Variants in WDR19 observed in about 807,000 individuals in gnomAD.
WDR19 encodes WD repeat-containing protein 19.
In WDR19, 121 loss-of-function variants were observed where a neutral mutation model predicts 180.0. That is an observed-to-expected ratio of 0.67 (90% CI 0.58 to 0.78). The LOEUF is 0.78. Among genes scored for constraint, WDR19 ranks in the 30% least tolerant of loss-of-function variants. The probability of loss-of-function intolerance (pLI) is 0.00; values close to 1 mark genes in which losing one functional copy is unlikely to be tolerated. For missense variants in WDR19, 1,450 were observed against 1,640.7 expected, an observed-to-expected ratio of 0.88 and a Z score of 2.01; for synonymous variants, 497 against 540.7, an observed-to-expected ratio of 0.92 and a Z score of 1.12.
intron 14 of WDR19, chr4:39,218,948 G>C (rs1264319030): frequency 6.6e-6 from 1 of 151,990 alleles, no homozygotes; most frequent in Non-Finnish European, 1.5e-5. Flanking sequence ...ATAGCATCAG[G>C]ATCATCAGTA....
chr4:39,236,400 G>A (rs896181052), intron 20 of WDR19, among the ~76,000 whole-genome samples: 1 of 152,074 alleles, frequency 6.6e-6, no homozygotes. Flanking sequence ...AACTCAGAAA[G>A]TCAAATACTG....
rs180673795 is a variant in WDR19, at chr4:39,278,231, G to A, written c.3917+24G>A. The A allele has an allele frequency of 2.1e-4, 334 of 1,573,366 alleles. 2 individuals are homozygous for A. In the African/African-American group the frequency reaches 3.7e-3, roughly 17 times the overall value. On this transcript the variant is annotated intron_variant, in intron 35 of 36. Transcript: ENST00000399820. ...ATGTAAGTGTGCATCACGTCACTCA[G>A]TCTCACTGATTTCTCCCGACACAGG...
In WDR19 at chr4:39,221,890, A is replaced by G. The variant is rs1051186579; in HGVS notation, c.1480-2994A>G. On this transcript the variant is annotated intron_variant, in intron 14 of 36. Coordinates refer to ENST00000399820, the MANE Select transcript of WDR19 (RefSeq NM_025132.4). Reference sequence around the variant, plus strand: ...TGAGTAGTAGTAGTCTATAGTATGTATATATCATAATTTGCTTATCCAAGA... The same window carrying G: ...TGAGTAGTAGTAGTCTATAGTATGTGTATATCATAATTTGCTTATCCAAGA... Among the ~76,000 whole-genome samples the G allele has an allele frequency of 2.1e-4, 32 of 152,170 alleles. 1 individual carries two copies. Among genetic ancestry groups the G allele is most frequent in the Non-Finnish European group, 2.5e-4 (17 of 68,034 alleles).
chr4:39,270,376 G>T (rs1010437833), intron 31 of WDR19, among the ~76,000 whole-genome samples: 1 of 151,976 alleles, frequency 6.6e-6, no homozygotes, highest in Non-Finnish European at 1.5e-5. Context: ...TAGTGTGTGG[G>T]TTGTTTTGTT....
intron 4 of WDR19, among the ~76,000 whole-genome samples, chr4:39,192,689 T>C (rs1726292418): frequency 6.6e-6 from 1 of 152,212 alleles, no homozygotes; most frequent in Non-Finnish European, 1.5e-5. Flanking sequence ...CTCGAACTCC[T>C]GACCTCAGAT....
At chr4:39,282,547 G>A (rs543095985) in intron 36 of WDR19, among the ~76,000 whole-genome samples, 195 of 152,048 alleles carry the variant, frequency 1.3e-3, no homozygotes, top group African/African-American at 4.3e-3. Flanking sequence ...ACAGGCGCCC[G>A]CCACCACGTC....
In WDR19 at chr4:39,242,295, T is replaced by C. The variant is rs562075779; in HGVS notation, c.2422-1953T>C. On this transcript the variant is annotated intron_variant, in intron 21 of 36. Transcript: ENST00000399820. The stretch of plus-strand genomic sequence containing the variant: ...TATGTTTATTTTTGTCTCACTTTCT[T>C]TCCCAGGCTGGAATGTAGTGGCATA... 1.1e-4 allele frequency among the ~76,000 whole-genome samples: 17 copies of C among 152,260 alleles called. No homozygotes were observed. The South Asian group carries it at 3.5e-3, about 32-fold the overall frequency.
intron 20 of WDR19, among the ~76,000 whole-genome samples, chr4:39,239,846 T>C (rs1408223623): frequency 1.3e-5 from 2 of 152,002 alleles, no homozygotes; most frequent in African/African-American, 2.4e-5. Flanking sequence ...AGCAACTCAG[T>C]GACAAAGATT....
chr4:39,273,062 G>A lies in WDR19; in HGVS notation c.3565+1G>A, dbSNP rs587777352. ...AACAACATCAGCAAATTTCCATCAC[G>A]TAAGTACCACTGACCAGAGCTCTCA... On this transcript the variant is annotated splice_donor_variant, in intron 32 of 36. Coordinates refer to ENST00000399820, the MANE Select transcript of WDR19 (RefSeq NM_025132.4). LOFTEE classifies it high-confidence loss of function. 1.1e-4 allele frequency: 172 copies of A among 1,599,740 alleles called. No individual in the cohort carries two copies. Among genetic ancestry groups the A allele is most frequent in the Non-Finnish European group, 1.4e-4 (169 of 1,173,114 alleles).
At chr4:39,183,760 GC>G (rs1183911297) in intron 1 of WDR19, among the ~76,000 whole-genome samples, 4 of 152,190 alleles carry the variant, frequency 2.6e-5, no homozygotes, top group Non-Finnish European at 4.4e-5. Flanking sequence ...CTTACTTAAA[GC>G]CCTACAGCTA....
rs760951645 is a variant in WDR19, at chr4:39,240,344, G to A, written c.2421+10G>A. The A allele has an allele frequency of 7.1e-7, 1 of 1,413,698 alleles. No homozygotes were observed. Among genetic ancestry groups the A allele is most frequent in the African/African-American group, 1.5e-5 (1 of 67,362 alleles). 87.6% of individuals were successfully genotyped at this position (1,413,698 alleles called of 1,614,324 possible). ...AACAGGTGATAATAAGGTAACCTTG[G>A]ATAAAGATAAGATATGCCTAATTAT... On this transcript the variant is annotated intron_variant, in intron 21 of 36. Transcript: ENST00000399820.
Position 39,232,068 on chromosome 4 carries a change from A to G in WDR19, c.2143-94A>G, listed in dbSNP as rs376332061. On this transcript the variant is annotated intron_variant, in intron 18 of 36. Coordinates refer to ENST00000399820, the MANE Select transcript of WDR19 (RefSeq NM_025132.4). ...ACCTCTTAAACAAGTGAATCGATAG[A>G]ACGTTACCACTTCCTACTGATCAAA... is the stretch of plus-strand genomic sequence containing the variant. 219 of 1,520,690 alleles carry G rather than the reference A, an allele frequency of 1.4e-4. No individual in the cohort carries two copies. The African/African-American group carries it at 2.6e-3, about 18-fold the overall frequency. 94.2% of individuals were successfully genotyped at this position (1,520,690 alleles called of 1,614,324 possible). A position where few individuals can be genotyped will look rare whatever the true frequency, so the allele number is the denominator to read the frequency against.
intron 13 of WDR19, among the ~76,000 whole-genome samples, chr4:39,217,614 G>A (rs541816512): frequency 5.4e-4 from 83 of 152,306 alleles, no homozygotes; most frequent in African/African-American, 1.9e-3. Context: ...CGGGCATTTT[G>A]TGTGGGGGGG....
intron 15 of WDR19, 102 bp downstream of exon 15, chr4:39,225,135 C>G: frequency 1.1e-6 from 1 of 889,206 alleles, no homozygotes; most frequent in Non-Finnish European, 1.6e-6. Context: ...TAATTAGTGC[C>G]AAGGATTGTA....
chr4:39,187,263 A>T (rs1299317843), intron 3 of WDR19, among the ~76,000 whole-genome samples: 1 of 152,048 alleles, frequency 6.6e-6, no homozygotes, highest in African/African-American at 2.4e-5. Context: ...CACTAAAAAT[A>T]CAAAAAAGTA....
intron 24 of WDR19, among the ~76,000 whole-genome samples, chr4:39,250,762 T>C (rs1172969753): frequency 1.3e-5 from 2 of 152,024 alleles, no homozygotes; most frequent in African/African-American, 4.8e-5. Flanking sequence ...TCACAGTTGC[T>C]TCAAAGAGAA....
At chr4:39,250,779 A>G (rs1733081330) in intron 24 of WDR19, among the ~76,000 whole-genome samples, 1 of 152,150 alleles carries the variant, frequency 6.6e-6, no homozygotes, top group Non-Finnish European at 1.5e-5. Context: ...AGAATAAAAT[A>G]CCTAGGAATG....
In WDR19 at chr4:39,225,079, T is replaced by C. The variant is rs1447505640; in HGVS notation, c.1629+46T>C. The C allele has an allele frequency of 2.8e-6, 4 of 1,443,454 alleles. No individual in the cohort carries two copies. The Admixed American group carries it at 9.1e-5, about 33-fold the overall frequency. The allele number at this position is 1,443,454 out of a possible 1,614,324, so 89.4% of individuals were successfully genotyped here. A position where few individuals can be genotyped will look rare whatever the true frequency, so the allele number is the denominator to read the frequency against. On this transcript the variant is annotated intron_variant, in intron 15 of 36. Coordinates refer to ENST00000399820, the MANE Select transcript of WDR19 (RefSeq NM_025132.4). ...AATGTTTATTTTTTGAAATGCAATA[T>C]AGGGAAAAAAAGTGTTTAAAGCCTA... is the stretch of plus-strand genomic sequence containing the variant.
chr4:39,270,153 T>C (rs569740762), intron 31 of WDR19, 53 bp downstream of exon 31: 5 of 1,604,348 alleles, frequency 3.1e-6, no homozygotes, highest in African/African-American at 2.7e-5. Context: ...TTGTCCCCCA[T>C]TGAGATTTTC....
Sources: allele counts gnomAD v4.1 joint callset (sites outside exome capture counted in the v4.1 genomes callset), GRCh38; gene constraint gnomAD v4.1.1; transcripts MANE v1.5; gene names NCBI Gene and HGNC (gene_info 2026-07-23, HGNC 2026-07-21).